Variants in RFC1 observed in about 807,000 individuals in gnomAD.
The protein encoded by RFC1 is A1 140 kDa subunit.
Under a neutral mutation model 137.4 loss-of-function variants are expected in RFC1, and 37 were observed. The ratio of observed to expected loss-of-function variants is 0.27; its 90% CI spans 0.21 to 0.35. The LOEUF is 0.35. Ranked by LOEUF, RFC1 falls within the 10% of genes least tolerant of loss-of-function variation. RFC1 has a pLI of 1.00. For missense variants in RFC1, 1,205 were observed against 1,358.5 expected, an observed-to-expected ratio of 0.89 and a Z score of 1.78; for synonymous variants, 429 against 455.7, an observed-to-expected ratio of 0.94 and a Z score of 0.75.
intron 14 of RFC1, among the ~76,000 whole-genome samples, chr4:39,306,182 CCT>C (rs957753853): frequency 1.3e-5 from 2 of 152,166 alleles, no homozygotes; most frequent in Non-Finnish European, 2.9e-5. Flanking sequence ...GAAAACTGGG[CCT>C]CCACCCTCCT....
chr4:39,335,966 A>C (rs1229435367), intron 4 of RFC1, among the ~76,000 whole-genome samples: 1 of 152,332 alleles, frequency 6.6e-6, no homozygotes, highest in East Asian at 1.9e-4. Context: ...TGTCTCTCAC[A>C]GTTTCACAAG....
intron 9 of RFC1, among the ~76,000 whole-genome samples, 171 bp from the exon 10 acceptor site, chr4:39,317,193 G>A (rs183223377): frequency 3.3e-5 from 5 of 152,054 alleles, no homozygotes; most frequent in African/African-American, 9.7e-5. Flanking sequence ...ACTGACTTAC[G>A]AACATCCCTG....
chr4:39,300,437 C>G, intron 19 of RFC1, 23 bp from the exon 20 acceptor site: 1 of 1,600,246 alleles, frequency 6.2e-7, no homozygotes, highest in Non-Finnish European at 8.5e-7. Flanking sequence ...AGGGACACAC[C>G]TATTAGAATG....
At chr4:39,363,013 A>G (rs1051311244) in intron 1 of RFC1, among the ~76,000 whole-genome samples, 8 of 152,260 alleles carry the variant, frequency 5.3e-5, no homozygotes, top group African/African-American at 1.9e-4. Context: ...GCCTGCCTGT[A>G]GGAGTGGAGC....
chr4:39,326,605 A>G lies in RFC1; in HGVS notation c.600T>C (p.Asp200=), dbSNP rs755232025. 7 of 1,613,460 alleles carry G rather than the reference A, an allele frequency of 4.3e-6. No homozygotes were observed. The highest frequency in any genetic ancestry group is 5.9e-6 in the Non-Finnish European group (7 of 1,179,548). ...GCTGTAATTGCTTGGCGATGGCTTC[A>G]TCATTTAATCCAGACTCATCTGTAT... ...SQNTDESGLN[D]EAIAKQLQLD... is the part of the protein sequence containing the mutation. Residue 200 remains aspartate, a synonymous_variant, in exon 6 of 25, where the codon GAT becomes GAC. Transcript: ENST00000349703.
At chr4:39,304,985 C>T (rs1169185475) in intron 14 of RFC1, 57 bp from the exon 15 acceptor site, 13 of 994,410 alleles carry the variant, frequency 1.3e-5, no homozygotes, top group Non-Finnish European at 1.9e-5. Context: ...CCACCACCCC[C>T]GCCAAGAAAG....
chr4:39,337,496 AATT>A (rs1475125586), intron 4 of RFC1, among the ~76,000 whole-genome samples: 5 of 151,198 alleles, frequency 3.3e-5, no homozygotes, highest in Non-Finnish European at 7.4e-5. Context: ...GGTAATTTAA[AATT>A]ATTAATTTAA....
At chr4:39,302,422 T>G (rs1560592896) in intron 18 of RFC1, 46 bp from the exon 19 acceptor site, 1 of 1,525,796 alleles carries the variant, frequency 6.6e-7, no homozygotes, top group Admixed American at 1.7e-5. Context: ...GAAAATCCTG[T>G]TGCTCCCCAT....
intron 4 of RFC1, among the ~76,000 whole-genome samples, chr4:39,339,623 A>C (rs1193798597): frequency 6.6e-6 from 1 of 152,162 alleles, no homozygotes; most frequent in Non-Finnish European, 1.5e-5. Context: ...TGAATTATTC[A>C]TACATTGTAG....
intron 1 of RFC1, among the ~76,000 whole-genome samples, chr4:39,352,008 A>AAT (rs1266218706): frequency 6.6e-6 from 1 of 152,048 alleles, no homozygotes; most frequent in African/African-American, 2.4e-5. Context: ...AATAAAGAGT[A>AAT]ATATAAATTC....
At chr4:39,330,523 C>T (rs1326514687) in intron 4 of RFC1, among the ~76,000 whole-genome samples, 1 of 152,112 alleles carries the variant, frequency 6.6e-6, no homozygotes, top group African/African-American at 2.4e-5. Context: ...CATTAGATGG[C>T]TCCACACTCT....
At chr4:39,315,556 A>G (rs1210443701) in intron 10 of RFC1, among the ~76,000 whole-genome samples, 1 of 152,180 alleles carries the variant, frequency 6.6e-6, no homozygotes, top group East Asian at 1.9e-4. Flanking sequence ...TCTACTCAGC[A>G]TCTCCATGTG....
rs763277787 is a variant in RFC1, at chr4:39,308,660, T to C, written c.1861A>G (p.Ser621Gly). 1.2e-6 allele frequency: 2 copies of C among 1,611,844 alleles called. No homozygotes were observed. Among genetic ancestry groups the C allele is most frequent in the Non-Finnish European group, 1.7e-6 (2 of 1,178,654 alleles). Residue 621 changes from serine (S) to glycine (G), a missense_variant, in exon 13 of 25, where the codon AGT becomes GGT. By Grantham distance (56) the Ser-to-Gly change is moderately conservative. Transcript: ENST00000349703. ...LLRWLRNWQK[S>G]SSEDKKHAKF... is the part of the protein sequence containing the mutation. Reference sequence around the variant, plus strand: ...CCGTGTTTTTTATCTTCGGAAGAACTCTTTTGCCAGTTTCGGAGCCAGCGT... The same window carrying C: ...CCGTGTTTTTTATCTTCGGAAGAACCCTTTTGCCAGTTTCGGAGCCAGCGT...
chr4:39,366,138 C>A, intron 1 of RFC1, 101 bp downstream of exon 1: 1 of 1,317,666 alleles, frequency 7.6e-7, no homozygotes. Flanking sequence ...AACCACCCAC[C>A]GCCATCCTCC....
At position 39,355,138 on chromosome 4, in the gene RFC1, A is replaced by G. The variant is rs542115947; in HGVS notation, c.4-3662T>C. ...ACACACACACACACACACACACACA[A>G]CAGGCCAGGTGTGGTGGCTCACACC... On this transcript the variant is annotated intron_variant, in intron 1 of 24. Coordinates refer to ENST00000349703, the MANE Select transcript of RFC1 (RefSeq NM_002913.5). Among the ~76,000 whole-genome samples the G allele has an allele frequency of 6.8e-5, 7 of 102,816 alleles. No individual in the cohort carries two copies. In the East Asian group the frequency reaches 1.8e-3, roughly 27 times the overall value. 67.5% of individuals were successfully genotyped at this position (102,816 alleles called of 152,430 possible). A position where few individuals can be genotyped will look rare whatever the true frequency, so the allele number is the denominator to read the frequency against.
chr4:39,327,194 TG>T (rs1739816720), intron 5 of RFC1, among the ~76,000 whole-genome samples: 1 of 152,238 alleles, frequency 6.6e-6, no homozygotes, highest in African/African-American at 2.4e-5. Flanking sequence ...TTATCTCATT[TG>T]GAAACAAATT....
At chr4:39,322,398 A>G in intron 7 of RFC1, 1 of 151,836 alleles carries the variant, frequency 6.6e-6, no homozygotes, top group Non-Finnish European at 1.5e-5. Flanking sequence ...ACAAAGTGAG[A>G]CCTCGCAAAA....
chr4:39,323,377 G>A lies in RFC1; in HGVS notation c.683C>T (p.Thr228Ile), dbSNP rs758834846. The change falls in exon 7 of 25, where the codon ACA (threonine) becomes ATA (isoleucine). Residue 228 changes from threonine (T) to isoleucine (I), a missense_variant. By Grantham distance (89) the Thr-to-Ile change is moderately conservative. Around this residue, in one of 3 missense-constraint regions of RFC1, gnomAD observed 962 missense variants for 1,035.3 expected, o/e 0.93. Transcript: ENST00000349703. ...GGGTTCTTCATCCAACATGGCTAAT[G>A]TTCTGGCAAACTCTTCATCTTCATG... is the stretch of plus-strand genomic sequence containing the variant. ...QLHEDEEFAR[T>I]LAMLDEEPKT... is the part of the protein sequence containing the mutation. 2.2e-5 allele frequency: 35 copies of A among 1,613,956 alleles called. No homozygotes were observed. The highest frequency in any genetic ancestry group is 2.8e-5 in the Non-Finnish European group (33 of 1,179,986).
intron 2 of RFC1, among the ~76,000 whole-genome samples, chr4:39,347,997 G>A (rs750405008): frequency 6.6e-6 from 1 of 152,086 alleles, no homozygotes; most frequent in Non-Finnish European, 1.5e-5. Flanking sequence ...TTGAAGATGC[G>A]GCCTGAGTCC....
Sources: gnomAD v4.1 joint callset for allele counts (sites outside exome capture counted in the v4.1 genomes callset) on GRCh38, gnomAD v4.1.1 for gene constraint, gnomAD v4.1.1 regional missense constraint, MANE v1.5 for transcripts, NCBI Gene and HGNC (gene_info 2026-07-23, HGNC 2026-07-21) for gene names.